The following WWOX variants were observed in gnomAD, a reference collection of about 807,000 sequenced individuals.
WWOX encodes the protein WW domain containing oxidoreductase, also known as WW domain-containing oxidoreductase.
In WWOX, 69 loss-of-function variants were observed where a neutral mutation model predicts 46.2. The ratio of observed to expected loss-of-function variants is 1.49; its 90% confidence interval spans 1.23 to 1.82. The LOEUF is 1.82. Ranked by LOEUF, WWOX falls within the 40% of genes most tolerant of loss-of-function variation. The pLI is 0.00. For synonymous variants in WWOX, 359 were observed against 202.6 expected (o/e 1.77, Z -6.56); for missense variants, 919 against 542.6 (o/e 1.69, Z -6.89).
chr16:78,396,623 G>C (rs2082294028), intron 6 of WWOX, among the ~76,000 whole-genome samples: 1 of 152,150 alleles, frequency 6.6e-6, no homozygotes, highest in Admixed American at 6.5e-5. Context: ...TTTAGCTATA[G>C]CAAATAATGT....
chr16:78,716,285 G>A (rs1027370362), intron 8 of WWOX, among the ~76,000 whole-genome samples: 1 of 152,064 alleles, frequency 6.6e-6, no homozygotes, highest in African/African-American at 2.4e-5. Flanking sequence ...GCTCCTGAAG[G>A]CAGGAAGCAT....
intron 5 of WWOX, among the ~76,000 whole-genome samples, chr16:78,299,017 G>A (rs1424800250): frequency 5.3e-5 from 8 of 152,076 alleles, no homozygotes; most frequent in Non-Finnish European, 1.2e-4. Flanking sequence ...GGATGAGCTG[G>A]GTTGCAGCCA....
At position 79,027,322 on chromosome 16, in the gene WWOX, G is replaced by T. The variant is rs368530995; in HGVS notation, c.1057-184286G>T. Among the ~76,000 whole-genome samples the T allele has an allele frequency of 1.7e-3, 247 of 149,280 alleles. 3 individuals are homozygous for T. In the South Asian group the frequency reaches 0.046, roughly 28 times the overall value. ...TAGAGATGGTGGAGTGGTGACATTTGGTAGATAATATAGCTCTGCAGAACT... is the reference window on the plus strand; with the variant it reads ...TAGAGATGGTGGAGTGGTGACATTTTGTAGATAATATAGCTCTGCAGAACT... On this transcript the variant is annotated intron_variant, in intron 8 of 8. Coordinates refer to ENST00000566780, the MANE Select transcript of WWOX (RefSeq NM_016373.4).
intron 8 of WWOX, among the ~76,000 whole-genome samples, chr16:79,184,789 A>G (rs1205674852): frequency 6.6e-6 from 1 of 152,198 alleles, no homozygotes; most frequent in East Asian, 1.9e-4. Context: ...TGGGTTGTTA[A>G]TTCCTCCAGC....
chr16:78,602,926 G>A (rs1017769571), intron 8 of WWOX, among the ~76,000 whole-genome samples: 1 of 152,052 alleles, frequency 6.6e-6, no homozygotes, highest in Non-Finnish European at 1.5e-5. Flanking sequence ...CTTTTTACTT[G>A]TCATTGCTGA....
intron 8 of WWOX, among the ~76,000 whole-genome samples, chr16:78,705,630 AG>A (rs2048313111): frequency 6.6e-6 from 1 of 152,200 alleles, no homozygotes; most frequent in South Asian, 2.1e-4. Context: ...ACTGGGGAAA[AG>A]CTGATGTTGT....
intron 8 of WWOX, among the ~76,000 whole-genome samples, chr16:78,516,189 C>T (rs370391192): frequency 8.5e-4 from 130 of 152,282 alleles, no homozygotes; most frequent in African/African-American, 3.1e-3. Context: ...GCTGACAGCG[C>T]CCCGGGAGTC....
intron 5 of WWOX, among the ~76,000 whole-genome samples, chr16:78,193,110 C>G (rs1279243197): frequency 2.0e-5 from 3 of 152,204 alleles, no homozygotes; most frequent in Non-Finnish European, 2.9e-5. Context: ...AGGGCAAAAC[C>G]TCACAGAGGC....
At chr16:79,184,442 A>G (rs914691855) in intron 8 of WWOX, among the ~76,000 whole-genome samples, 3 of 152,158 alleles carry the variant, frequency 2.0e-5, no homozygotes, top group Non-Finnish European at 2.9e-5. Flanking sequence ...CAGACCACCA[A>G]TTTCCACGCC....
At chr16:78,678,723 G>C (rs976306297) in intron 8 of WWOX, among the ~76,000 whole-genome samples, 1 of 152,156 alleles carries the variant, frequency 6.6e-6, no homozygotes, top group Non-Finnish European at 1.5e-5. Context: ...TTTTGACGGA[G>C]GGCTGGAAGG....
chr16:78,403,739 C>CA (rs2082465510), intron 6 of WWOX, among the ~76,000 whole-genome samples: 1 of 152,210 alleles, frequency 6.6e-6, no homozygotes, highest in African/African-American at 2.4e-5. Flanking sequence ...TAGTCAAAGA[C>CA]AAAGTTTTCA....
At chr16:78,933,281 A>G (rs961028670) in intron 8 of WWOX, among the ~76,000 whole-genome samples, 1 of 152,218 alleles carries the variant, frequency 6.6e-6, no homozygotes, top group Non-Finnish European at 1.5e-5. Context: ...TCTACTAAAA[A>G]TACAAAAATT....
chr16:78,364,518 C>T (rs1399623771), intron 5 of WWOX, among the ~76,000 whole-genome samples: 2 of 151,414 alleles, frequency 1.3e-5, no homozygotes, highest in East Asian at 3.9e-4. Flanking sequence ...ATTTTGTTTT[C>T]TCCCTGCAAC....
At chr16:78,415,106 T>C (rs1439789191) in intron 6 of WWOX, among the ~76,000 whole-genome samples, 1 of 148,542 alleles carries the variant, frequency 6.7e-6, no homozygotes, top group East Asian at 1.9e-4. Flanking sequence ...TACAATATTA[T>C]ATATAATATA....
At chr16:78,430,144 C>G (rs2083181414) in intron 7 of WWOX, among the ~76,000 whole-genome samples, 1 of 152,164 alleles carries the variant, frequency 6.6e-6, no homozygotes, top group South Asian at 2.1e-4. Context: ...GGATGTCTTA[C>G]ATGACATCAG....
intron 8 of WWOX, among the ~76,000 whole-genome samples, chr16:78,921,929 G>C (rs1481972676): frequency 2.0e-5 from 3 of 152,188 alleles, no homozygotes; most frequent in African/African-American, 7.2e-5. Flanking sequence ...AAGGATACAG[G>C]TTAAAATTAG....
chr16:78,780,035 A>T (rs770266038), intron 8 of WWOX, among the ~76,000 whole-genome samples: 1 of 152,180 alleles, frequency 6.6e-6, no homozygotes, highest in Non-Finnish European at 1.5e-5. Context: ...TACCCAGTAG[A>T]AGCCATATGG....
chr16:78,305,628 G>A (rs1466181671), intron 5 of WWOX, among the ~76,000 whole-genome samples: 1 of 150,982 alleles, frequency 6.6e-6, no homozygotes, highest in African/African-American at 2.5e-5. Context: ...GAACATAGGA[G>A]CACTTTAAAA....
At chr16:78,698,961 G>T (rs2048156010) in intron 8 of WWOX, among the ~76,000 whole-genome samples, 1 of 152,160 alleles carries the variant, frequency 6.6e-6, no homozygotes, top group African/African-American at 2.4e-5. Context: ...ATTTAAAATA[G>T]AAACTGTTAG....
Sources: allele counts gnomAD v4.1 joint callset (sites outside exome capture counted in the v4.1 genomes callset), GRCh38; gene constraint gnomAD v4.1.1; transcripts MANE v1.5; gene names NCBI Gene and HGNC (gene_info 2026-07-23, HGNC 2026-07-21).